Variants in PIK3R6 observed in about 807,000 individuals in gnomAD.
The protein encoded by PIK3R6 is phosphoinositide 3-kinase regulatory subunit 6.
A neutral mutation model predicts 84.9 loss-of-function variants in PIK3R6; 91 were observed. The ratio of observed to expected loss-of-function variants is 1.07; its 90% CI spans 0.90 to 1.28. The LOEUF (loss-of-function observed/expected upper bound fraction) is 1.28. Among genes scored for constraint, PIK3R6 ranks in the 50% most tolerant of loss-of-function variants. The pLI, the probability that PIK3R6 is intolerant of heterozygous loss-of-function variation, is 0.00. For synonymous variants in PIK3R6, 416 were observed against 411.4 expected, an observed-to-expected ratio of 1.01 and a Z score of -0.13; for missense variants, 996 against 985.1, an observed-to-expected ratio of 1.01 and a Z score of -0.15.
intron 18 of PIK3R6, among the ~76,000 whole-genome samples, chr17:8,812,906 AC>A (rs2087400097): frequency 6.6e-6 from 1 of 151,698 alleles, no homozygotes; most frequent in African/African-American, 2.4e-5. Flanking sequence ...TCAGAGCAGA[AC>A]TAAATGGAAT....
At chr17:8,852,395 A>T (rs562461627) in intron 1 of PIK3R6, among the ~76,000 whole-genome samples, 13 of 152,356 alleles carry the variant, frequency 8.5e-5, no homozygotes, top group African/African-American at 3.1e-4. Flanking sequence ...GATTGTAATT[A>T]TAATGTACTA....
chr17:8,804,204 C>T (rs1227774001), intron 18 of PIK3R6, 51 bp from the exon 19 acceptor site: 3 of 1,477,664 alleles, frequency 2.0e-6, no homozygotes, highest in East Asian at 2.3e-5. Context: ...CGACAGGTGG[C>T]CCTGCCAACA....
chr17:8,843,792 T>C (rs1019493897), intron 2 of PIK3R6, among the ~76,000 whole-genome samples: 5 of 152,076 alleles, frequency 3.3e-5, no homozygotes, highest in East Asian at 1.9e-4. Context: ...TGGGGAGCAA[T>C]TGCCCCCTTA....
chr17:8,819,241 T>C (rs1303867397), intron 17 of PIK3R6, 43 bp from the exon 18 acceptor site: 10 of 1,415,172 alleles, frequency 7.1e-6, no homozygotes, highest in Non-Finnish European at 9.7e-6. Flanking sequence ...TCCAGGGAAG[T>C]AGGGGAGTTT....
chr17:8,829,619 C>G, intron 10 of PIK3R6, 87 bp downstream of exon 10: 1 of 1,326,276 alleles, frequency 7.5e-7, no homozygotes, highest in South Asian at 1.3e-5. Flanking sequence ...CTGACACACG[C>G]ATGCACACTG....
chr17:8,841,273 C>T (rs1324448643), intron 2 of PIK3R6, among the ~76,000 whole-genome samples: 4 of 152,160 alleles, frequency 2.6e-5, no homozygotes, highest in African/African-American at 9.7e-5. Flanking sequence ...AAACCTTACT[C>T]AGCCTCCTCT....
At chr17:8,820,521 G>A (rs1055167959) in intron 17 of PIK3R6, among the ~76,000 whole-genome samples, 2 of 152,074 alleles carry the variant, frequency 1.3e-5, no homozygotes, top group Non-Finnish European at 2.9e-5. Context: ...CCCTGGCACC[G>A]CGCCCTTGAT....
At chr17:8,852,934 A>G (rs964836762) in intron 1 of PIK3R6, among the ~76,000 whole-genome samples, 4 of 152,148 alleles carry the variant, frequency 2.6e-5, no homozygotes, top group African/African-American at 7.2e-5. Context: ...TGTCTAAGCA[A>G]TTCGACCTTT....
chr17:8,819,863 CAT>C lies in PIK3R6; in HGVS notation c.1880-667_1880-666del, dbSNP rs549141152. 4.7e-3 allele frequency among the ~76,000 whole-genome samples: 685 copies of C among 145,588 alleles called. 11 individuals carry two copies. The highest frequency in any genetic ancestry group is 0.016 in the African/African-American group (637 of 39,820). ...ACATATATATGTATATATAGACACA[CAT>C]ATATATGTATATATACACACACACG... On this transcript the variant is annotated intron_variant, in intron 17 of 19. Coordinates refer to ENST00000619866, the MANE Select transcript of PIK3R6 (RefSeq NM_001010855.4).
At chr17:8,854,590 A>G (rs1480722092) in intron 1 of PIK3R6, among the ~76,000 whole-genome samples, 1 of 152,272 alleles carries the variant, frequency 6.6e-6, no homozygotes, top group Non-Finnish European at 1.5e-5. Context: ...AGGCAAGTCA[A>G]TGGAGAAAGG....
chr17:8,834,028 C>T (rs1316405395), intron 8 of PIK3R6, among the ~76,000 whole-genome samples: 3 of 151,496 alleles, frequency 2.0e-5, no homozygotes, highest in African/African-American at 4.8e-5. Flanking sequence ...TGGTGGCCGG[C>T]GCCTGTAGTC....
intron 1 of PIK3R6, among the ~76,000 whole-genome samples, chr17:8,860,684 G>A (rs1256603052): frequency 6.6e-6 from 1 of 152,120 alleles, no homozygotes; most frequent in African/African-American, 2.4e-5. Flanking sequence ...CTTAAAATAA[G>A]TAACTGGAAG....
At chr17:8,856,978 C>T (rs1021701439) in intron 1 of PIK3R6, among the ~76,000 whole-genome samples, 2 of 65,974 alleles carry the variant, frequency 3.0e-5, no homozygotes, top group Admixed American at 2.8e-4. Context: ...ACACCCCTGC[C>T]TGGAGCACCC....
rs2151287581 is a variant in PIK3R6, at chr17:8,844,437, G to A, written c.14-4740C>T. ...TTGATTAAATGGAAGAAAGAAATGGGATATTTCCTGTGACTCAAGTGGCTC... is the reference window on the plus strand; with the variant it reads ...TTGATTAAATGGAAGAAAGAAATGGAATATTTCCTGTGACTCAAGTGGCTC... On this transcript the variant is annotated intron_variant, in intron 2 of 19. Transcript: ENST00000619866. The surrounding 1 kb of genome is among the most constrained non-coding windows in gnomAD (Gnocchi z 4.5). Among the ~76,000 whole-genome samples the A allele has an allele frequency of 6.6e-6, 1 of 152,266 alleles. No homozygotes were observed. The highest frequency in any genetic ancestry group is 3.4e-3 in the Middle Eastern group (1 of 294).
chr17:8,851,378 C>T (rs1227469405), intron 1 of PIK3R6, among the ~76,000 whole-genome samples: 1 of 150,806 alleles, frequency 6.6e-6, no homozygotes, highest in Non-Finnish European at 1.5e-5. Flanking sequence ...CGCCTGTAGT[C>T]CCAGCTACTT....
rs372545103 is a variant in PIK3R6 at position 8,838,027 on chromosome 17, AG to A, written c.190-157del. ...GTCTGCTCTGGATAGAGGAGTGGGG[AG>A]GGGAGGGCACACAGGTGAGGAAGCC... On this transcript the variant is annotated intron_variant, in intron 4 of 19. Transcript: ENST00000619866. Among the ~76,000 whole-genome samples, 13 of 151,726 alleles carry A rather than the reference AG, an allele frequency of 8.6e-5. No homozygotes were observed. In the East Asian group the frequency reaches 2.5e-3, roughly 30 times the overall value.
chr17:8,839,039 G>A lies in PIK3R6; in HGVS notation c.98-384C>T, dbSNP rs1465558213. On this transcript the variant is annotated intron_variant, in intron 3 of 19. Coordinates refer to ENST00000619866, the MANE Select transcript of PIK3R6 (RefSeq NM_001010855.4). This position sits in a 1 kb window ranked among gnomAD's most constrained non-coding sequence, Gnocchi z 4.2. ...GAATTAGGTTTGGAAGTGGAGCTAG[G>A]GAAGGTGGTTAACAAAGAGGGTGGC... 2.0e-5 allele frequency among the ~76,000 whole-genome samples: 3 copies of A among 152,120 alleles called. No homozygotes were observed. The highest frequency in any genetic ancestry group is 2.0e-4 in the Admixed American group (3 of 15,264).
intron 9 of PIK3R6, among the ~76,000 whole-genome samples, chr17:8,831,487 T>C (rs1265128164): frequency 5.9e-5 from 9 of 152,092 alleles, no homozygotes; most frequent in Admixed American, 1.3e-4. Flanking sequence ...CAAAGCCAGA[T>C]TGGCCCCAGG....
intron 14 of PIK3R6, 132 bp downstream of exon 14, chr17:8,823,255 A>C (rs1233984752): frequency 3.7e-6 from 3 of 803,442 alleles, no homozygotes; most frequent in Admixed American, 5.0e-5. Context: ...GAGATGAAGA[A>C]GGTAACGTTA....
Sources: allele counts gnomAD v4.1 joint callset (sites outside exome capture counted in the v4.1 genomes callset), GRCh38; gene constraint gnomAD v4.1.1; non-coding constraint Gnocchi (gnomAD v3.1); transcripts MANE v1.5; gene names NCBI Gene and HGNC (gene_info 2026-07-23, HGNC 2026-07-21).